PHB1: variants seen among roughly 807,000 people sequenced by gnomAD.
The protein encoded by PHB1 is prohibitin 1.
At chr17:49,409,091 A>C in the PHB1 span, 1 of 1,613,380 alleles carries the variant, frequency 6.2e-7, no homozygotes, top group Non-Finnish European at 8.5e-7. Context: ...TCGCTCTGTA[A>C]GGTCGTCGCT....
chr17:49,407,165 T>C, the PHB1 span: 1 of 299,372 alleles, frequency 3.3e-6, no homozygotes, highest in Non-Finnish European at 6.6e-6. Context: ...ATCGACCACC[T>C]CCCCAGAGGA....
chr17:49,408,694 G>A, the PHB1 span: 4 of 192,458 alleles, frequency 2.1e-5, no homozygotes, highest in Non-Finnish European at 4.3e-5. Context: ...AGGACTACCC[G>A]AGCTGTTCTC....
chr17:49,406,828 G>A, the PHB1 span: 3 of 1,613,652 alleles, frequency 1.9e-6, no homozygotes, highest in African/African-American at 1.3e-5. Context: ...CCGCTTCTGT[G>A]AACTCCTTCC....
At chr17:49,408,418 T>C in the PHB1 span, among the ~76,000 whole-genome samples, 1 of 152,186 alleles carries the variant, frequency 6.6e-6, no homozygotes, top group Admixed American at 6.5e-5. Context: ...CTCACCCTCC[T>C]CAACCTGAAA....
At chr17:49,406,564 A>G in the PHB1 span, among the ~76,000 whole-genome samples, 2 of 152,256 alleles carry the variant, frequency 1.3e-5, no homozygotes, top group African/African-American at 2.4e-5. Context: ...ATTTAGGAAC[A>G]TAACTCCACA....
At chr17:49,412,958 A>C in the PHB1 span, 1 of 490,172 alleles carries the variant, frequency 2.0e-6, no homozygotes, top group Non-Finnish European at 3.7e-6. Context: ...TGGGCTGGGA[A>C]GCTCTTTTTG....
the PHB1 span, chr17:49,405,067 C>T: frequency 6.2e-6 from 10 of 1,600,716 alleles, no homozygotes; most frequent in East Asian, 2.3e-5. Flanking sequence ...AGAGCTGGTA[C>T]GCGATGTCCT....
At chr17:49,412,861 G>A in the PHB1 span, 2 of 230,750 alleles carry the variant, frequency 8.7e-6, no homozygotes, top group Admixed American at 5.2e-5. Context: ...AGATAGCCAG[G>A]GAAATCCAGA....
chr17:49,410,661 C>T, the PHB1 span, among the ~76,000 whole-genome samples: 5 of 152,126 alleles, frequency 3.3e-5, no homozygotes, highest in Non-Finnish European at 5.9e-5. Context: ...CTGGTGGAAA[C>T]GGTGTTAGAC....
the PHB1 span, chr17:49,409,037 C>T: frequency 6.3e-7 from 1 of 1,575,276 alleles, no homozygotes; most frequent in Non-Finnish European, 8.6e-7. Flanking sequence ...CCCGAAGGAT[C>T]TTACCAAGGA....
the PHB1 span, among the ~76,000 whole-genome samples, chr17:49,409,968 C>T: frequency 6.6e-6 from 1 of 152,276 alleles, no homozygotes; most frequent in South Asian, 2.1e-4. Flanking sequence ...GCCGCTTTGA[C>T]CTCCTGGGCT....
At chr17:49,405,905 T>A in the PHB1 span, among the ~76,000 whole-genome samples, 59 of 152,252 alleles carry the variant, frequency 3.9e-4, 1 homozygote, top group East Asian at 0.011. Flanking sequence ...CAGAGTGAGA[T>A]CTCCTAGGCT....
the PHB1 span, chr17:49,404,612 G>A: frequency 1.7e-4 from 50 of 299,632 alleles, no homozygotes; most frequent in African/African-American, 9.8e-4. Context: ...GTGACAGGAC[G>A]GAGGCCACAC....
chr17:49,409,114 G>A, the PHB1 span: 2 of 1,614,072 alleles, frequency 1.2e-6, no homozygotes, highest in Non-Finnish European at 1.7e-6. Context: ...CCTGCCTGGA[G>A]ACCAGCTCTC....
chr17:49,404,137 AG>A, the PHB1 span: 1 of 152,694 alleles, frequency 6.5e-6, no homozygotes. Flanking sequence ...GCCCGTGAGA[AG>A]GGCAGTCTCT....
chr17:49,404,227 T>G, the PHB1 span: 3 of 152,670 alleles, frequency 2.0e-5, no homozygotes, highest in Non-Finnish European at 2.9e-5. Flanking sequence ...ATCCTTCAAG[T>G]TGGAATTCCA....
chr17:49,413,903 C>A, the PHB1 span, among the ~76,000 whole-genome samples: 1 of 152,104 alleles, frequency 6.6e-6, no homozygotes, highest in East Asian at 1.9e-4. Context: ...CCACAGAGAA[C>A]TTAGCACCAC....
chr17:49,413,256 G>T, the PHB1 span: 1 of 1,607,086 alleles, frequency 6.2e-7, no homozygotes. Context: ...CAAACACTTT[G>T]GCAGCCATGT....
the PHB1 span, chr17:49,406,955 C>G: frequency 3.7e-6 from 3 of 814,998 alleles, no homozygotes; most frequent in East Asian, 5.0e-5. Flanking sequence ...AGCAATGGCT[C>G]TAGCAGCTGG....
Sources: allele counts gnomAD v4.1 joint callset (sites outside exome capture counted in the v4.1 genomes callset), GRCh38; gene constraint gnomAD v4.1.1; transcripts MANE v1.5; gene names NCBI Gene and HGNC (gene_info 2026-07-23, HGNC 2026-07-21).